The following LRRC49 variants were observed in gnomAD, a reference collection of about 807,000 sequenced individuals.
LRRC49 encodes the protein leucine-rich repeat-containing protein 49.
A neutral mutation model predicts 83.3 loss-of-function variants in LRRC49; 50 were observed. That is an observed-to-expected ratio of 0.60 (90% confidence interval 0.48 to 0.76). The LOEUF is 0.76. Ranked by LOEUF, LRRC49 falls within the 30% of genes least tolerant of loss-of-function variation. LRRC49 has a pLI of 0.00. For synonymous variants in LRRC49, 286 were observed against 283.3 expected (o/e 1.01, Z -0.10); for missense variants, 704 against 809.1 (o/e 0.87, Z 1.58).
intron 6 of LRRC49, among the ~76,000 whole-genome samples, chr15:70,912,993 A>G (rs924576667): frequency 1.3e-5 from 2 of 151,896 alleles, no homozygotes; most frequent in Non-Finnish European, 2.9e-5. Flanking sequence ...CTATTTTTTT[A>G]TGTTCCCTCT....
At chr15:71,003,928 A>G (rs1047799539) in intron 11 of LRRC49, among the ~76,000 whole-genome samples, 5 of 152,098 alleles carry the variant, frequency 3.3e-5, no homozygotes, top group African/African-American at 1.2e-4. Context: ...CATCCCCTAC[A>G]TTCAGCCTCT....
At chr15:70,992,576 C>A (rs982133342) in intron 11 of LRRC49, among the ~76,000 whole-genome samples, 5 of 152,208 alleles carry the variant, frequency 3.3e-5, no homozygotes, top group Admixed American at 6.5e-5. Context: ...AGGTCCACTC[C>A]AGACCTTGTT....
At chr15:70,930,169 A>C (rs1051825932) in intron 7 of LRRC49, among the ~76,000 whole-genome samples, 5 of 152,210 alleles carry the variant, frequency 3.3e-5, no homozygotes, top group Non-Finnish European at 5.9e-5. Flanking sequence ...TGTATATCTT[A>C]AATAATAATC....
intron 12 of LRRC49, 199 bp from the exon 13 acceptor site, chr15:71,009,608 G>A (rs1433344487): frequency 6.9e-6 from 3 of 436,202 alleles, no homozygotes; most frequent in African/African-American, 2.0e-5. Flanking sequence ...ATATTGGATG[G>A]ATTCCATCAA....
upstream of LRRC49, chr15:70,892,391 G>T: frequency 1.9e-6 from 3 of 1,544,028 alleles, no homozygotes; most frequent in Non-Finnish European, 2.6e-6. Context: ...TCCGGGTCGG[G>T]ATTGTTTCCT....
intron 14 of LRRC49, among the ~76,000 whole-genome samples, chr15:71,021,990 A>C (rs2039009016): frequency 1.3e-5 from 2 of 152,196 alleles, no homozygotes; most frequent in African/African-American, 4.8e-5. Context: ...ATTTTAAAGG[A>C]CGTGGATGCA....
chr15:70,882,420 T>C, intron 2 of LRRC49: 2 of 1,500,884 alleles, frequency 1.3e-6, no homozygotes, highest in Non-Finnish European at 1.8e-6. Context: ...GATTTGAAAA[T>C]CTATAGCACA....
In LRRC49 at chr15:71,049,455, T is replaced by C. The variant is rs757867991; in HGVS notation, c.1904T>C (p.Leu635Pro). The change falls in exon 16 of 16, where the codon CTT becomes CCT. Residue 635 changes from leucine (L) to proline (P), a missense_variant. Physicochemically the swap from Leu to Pro is moderately conservative, Grantham distance 98 (BLOSUM62 -3). Transcript: ENST00000260382. ...KKFCKTYIED[L>P]VKEATEINMK... is the part of the protein sequence containing the mutation. ...TTCTGTAAAACATATATAGAAGACC[T>C]TGTGAAGGAAGCCACAGAAATCAAC... is the stretch of plus-strand genomic sequence containing the variant. 4 of 1,613,176 alleles carry C rather than the reference T, an allele frequency of 2.5e-6. No homozygotes were observed. The highest frequency in any genetic ancestry group is 3.4e-6 in the Non-Finnish European group (4 of 1,179,276).
intron 2 of LRRC49, among the ~76,000 whole-genome samples, chr15:70,874,218 G>A (rs140900852): frequency 4.6e-5 from 7 of 152,302 alleles, no homozygotes; most frequent in East Asian, 1.9e-4. Context: ...TGACACTAAC[G>A]AGGGAGGGAT....
chr15:70,928,483 T>C (rs2035291244), intron 7 of LRRC49, among the ~76,000 whole-genome samples: 1 of 152,128 alleles, frequency 6.6e-6, no homozygotes, highest in African/African-American at 2.4e-5. Context: ...GTAATTTTAT[T>C]AGCATACCTA....
chr15:71,015,547 C>T (rs1010591835), intron 14 of LRRC49, among the ~76,000 whole-genome samples: 2 of 152,118 alleles, frequency 1.3e-5, no homozygotes, highest in Non-Finnish European at 2.9e-5. Flanking sequence ...CTATGTGGCC[C>T]GGTTCCTAAC....
At chr15:70,860,396 A>G in intron 1 of LRRC49, among the ~76,000 whole-genome samples, 1 of 152,150 alleles carries the variant, frequency 6.6e-6, no homozygotes. Context: ...ACCAACTGTC[A>G]AACAAACAAA....
Position 70,882,917 on chromosome 15 carries a change from A to G in LRRC49, c.18+9694A>G, listed in dbSNP as rs1182610723. Reference sequence around the variant, plus strand: ...TCATTTTCACACGTAATCTAAAAATACAAATCAGAGGAGAAACATATTAAA... The same window carrying G: ...TCATTTTCACACGTAATCTAAAAATGCAAATCAGAGGAGAAACATATTAAA... On this transcript the variant is annotated intron_variant, in intron 2 of 16. Coordinates refer to the LRRC49 transcript ENST00000544974. 2.5e-6 allele frequency: 4 copies of G among 1,613,834 alleles called. No homozygotes were observed. In the South Asian group the frequency reaches 4.4e-5, roughly 18 times the overall value.
intron 14 of LRRC49, among the ~76,000 whole-genome samples, chr15:71,026,408 T>C: frequency 6.6e-6 from 1 of 152,144 alleles, no homozygotes; most frequent in East Asian, 1.9e-4. Context: ...GTAGAATGAT[T>C]TATAATCTTT....
chr15:70,885,881 G>A (rs1363166142), intron 2 of LRRC49, among the ~76,000 whole-genome samples: 2 of 152,088 alleles, frequency 1.3e-5, no homozygotes, highest in Non-Finnish European at 2.9e-5. Flanking sequence ...AGTGCAGTAC[G>A]CACATTCATC....
chr15:70,939,489 G>A (rs1419699715), intron 8 of LRRC49, among the ~76,000 whole-genome samples: 1 of 152,116 alleles, frequency 6.6e-6, no homozygotes, highest in Non-Finnish European at 1.5e-5. Flanking sequence ...CTTGGCAGTT[G>A]TTTTGGGCTT....
At chr15:70,863,890 G>A (rs1199429059) in intron 1 of LRRC49, among the ~76,000 whole-genome samples, 2 of 152,188 alleles carry the variant, frequency 1.3e-5, no homozygotes, top group African/African-American at 4.8e-5. Flanking sequence ...TGCACATCAC[G>A]AGGGGAGGCA....
At position 71,013,729 on chromosome 15, in the gene LRRC49, A is replaced by T. The variant is rs574250563; in HGVS notation, c.1703+816A>T. On this transcript the variant is annotated intron_variant, in intron 14 of 15. Transcript: ENST00000260382. ...CTGGTTAGAGTAAGCAAGGAATTAG[A>T]TATCTACAAAATATTTGAAAGCGTT... is the stretch of plus-strand genomic sequence containing the variant. 5.9e-5 allele frequency among the ~76,000 whole-genome samples: 9 copies of T among 152,286 alleles called. No individual in the cohort carries two copies. In the South Asian group the frequency reaches 1.0e-3, roughly 18 times the overall value.
At chr15:70,925,526 A>G (rs937960338) in intron 7 of LRRC49, among the ~76,000 whole-genome samples, 2 of 152,172 alleles carry the variant, frequency 1.3e-5, no homozygotes, top group African/African-American at 4.8e-5. Flanking sequence ...GGCAGAAGAA[A>G]TTGAGGAAAC....
Sources: gnomAD v4.1 joint callset for allele counts (sites outside exome capture counted in the v4.1 genomes callset) on GRCh38, gnomAD v4.1.1 for gene constraint, MANE v1.5 for transcripts, NCBI Gene and HGNC (gene_info 2026-07-23, HGNC 2026-07-21) for gene names.